The following TIAM2 variants were observed in gnomAD, a reference collection of about 807,000 sequenced individuals.
TIAM2 encodes rho guanine nucleotide exchange factor TIAM2.
TIAM2 carries 80 observed loss-of-function variants against 152.9 expected under a neutral mutation model. The ratio of observed to expected loss-of-function variants is 0.52; its 90% CI spans 0.44 to 0.63. The LOEUF is 0.63. TIAM2 is among the 30% of genes least tolerant of loss of function. The pLI is 0.00. For synonymous variants in TIAM2, 804 were observed against 838.0 expected, an observed-to-expected ratio of 0.96 and a Z score of 0.70; for missense variants, 1,965 against 2,120.1, an observed-to-expected ratio of 0.93 and a Z score of 1.44.
chr6:155,062,101 C>A (rs1223190408), intron 1 of TIAM2, among the ~76,000 whole-genome samples: 1 of 149,778 alleles, frequency 6.7e-6, no homozygotes, highest in Non-Finnish European at 1.5e-5. Context: ...CCACCGCCCC[C>A]GCGCACCACC....
intron 1 of TIAM2, among the ~76,000 whole-genome samples, chr6:155,057,474 T>A (rs1583171184): frequency 6.6e-6 from 1 of 152,112 alleles, no homozygotes; most frequent in East Asian, 1.9e-4. Context: ...TCTTGATCAT[T>A]TGATTTAAGG....
rs200714155 is a variant in TIAM2, at chr6:155,256,590, C to T, written c.4575C>T (p.Ser1525=). ...ACTCTGACGAGGGCAGCTTGAGCAG[C>T]GGCACCCAGAGCAGCGGCTGCCCCA... ...LLDSDEGSLS[S]GTQSSGCPTA... is the part of the protein sequence containing the mutation. The change falls in exon 27 of 27, where the codon AGC becomes AGT. Residue 1525 remains serine (S), a synonymous_variant. Transcript: ENST00000682666. 2.5e-5 allele frequency: 41 copies of T among 1,614,040 alleles called. No homozygotes were observed. Among genetic ancestry groups the T allele is most frequent in the African/African-American group, 1.3e-4 (10 of 75,034 alleles).
intron 26 of TIAM2, 60 bp downstream of exon 26, chr6:155,254,633 T>C: frequency 1.3e-6 from 2 of 1,578,710 alleles, no homozygotes; most frequent in Non-Finnish European, 1.7e-6. Context: ...CTGAAAAGGA[T>C]ATATGCTCTT....
intron 1 of TIAM2, among the ~76,000 whole-genome samples, chr6:155,046,404 C>T (rs6557394): frequency 0.026 from 3,683 of 140,112 alleles, 154 homozygotes; most frequent in African/African-American, 0.094. Flanking sequence ...GGCGTGATCT[C>T]GGCTCACTGC....
chr6:155,007,536 G>A (rs1195137289), intron 1 of TIAM2, among the ~76,000 whole-genome samples: 1 of 151,976 alleles, frequency 6.6e-6, no homozygotes, highest in Admixed American at 6.6e-5. Flanking sequence ...TAAAGAAGAG[G>A]TTTGTTGAAT....
intron 24 of TIAM2, 140 bp from the exon 25 acceptor site, chr6:155,253,833 G>A (rs1783830116): frequency 1.6e-6 from 1 of 632,294 alleles, no homozygotes; most frequent in Admixed American, 3.2e-5. Context: ...ATCATACATA[G>A]AACAAGCCAC....
intron 15 of TIAM2, among the ~76,000 whole-genome samples, chr6:155,221,519 T>TTGCTCTCATCC (rs1782045277): frequency 6.6e-6 from 1 of 152,196 alleles, no homozygotes; most frequent in African/African-American, 2.4e-5. Flanking sequence ...TGCCATGGTT[T>TTGCTCTCATCC]TGCTCTCATC....
chr6:155,209,483 C>G (rs967923695), intron 14 of TIAM2, among the ~76,000 whole-genome samples: 2 of 152,074 alleles, frequency 1.3e-5, no homozygotes, highest in African/African-American at 4.8e-5. Context: ...TCTTACTTCC[C>G]GTGCAGTTAG....
chr6:155,179,320 AT>A, intron 11 of TIAM2, 57 bp from the exon 12 acceptor site: 1 of 1,570,752 alleles, frequency 6.4e-7, no homozygotes, highest in Non-Finnish European at 8.8e-7. Flanking sequence ...TGTCAAAGTA[AT>A]TTTTTGAGGT....
chr6:155,252,386 T>C (rs939576467), intron 23 of TIAM2, among the ~76,000 whole-genome samples: 2 of 152,168 alleles, frequency 1.3e-5, no homozygotes, highest in African/African-American at 4.8e-5. Flanking sequence ...GGAGGATCAA[T>C]TGAGCCCAGG....
intron 1 of TIAM2, among the ~76,000 whole-genome samples, chr6:155,054,934 T>C (rs1777408965): frequency 6.6e-6 from 1 of 152,190 alleles, no homozygotes; most frequent in Non-Finnish European, 1.5e-5. Context: ...GGTTACTTTC[T>C]GTGGTCGACA....
At chr6:155,067,795 C>CCAT (rs1777735240) in intron 1 of TIAM2, among the ~76,000 whole-genome samples, 1 of 152,098 alleles carries the variant, frequency 6.6e-6, no homozygotes, top group Non-Finnish European at 1.5e-5. Flanking sequence ...GTATGCACCA[C>CCAT]CACGCCTGGC....
intron 1 of TIAM2, among the ~76,000 whole-genome samples, chr6:155,028,366 AAT>A (rs535356453): frequency 0.02 from 2,196 of 112,256 alleles, 358 homozygotes; most frequent in African/African-American, 0.083. Flanking sequence ...TACTACATAT[AAT>A]ATATATACTG....
intron 2 of TIAM2, among the ~76,000 whole-genome samples, chr6:155,098,312 G>C (rs1778465938): frequency 6.6e-6 from 1 of 152,112 alleles, no homozygotes; most frequent in South Asian, 2.1e-4. Context: ...CGTGAGCATG[G>C]AATATCTTTC....
chr6:155,075,950 C>T (rs1360138831), intron 1 of TIAM2, among the ~76,000 whole-genome samples: 2 of 152,148 alleles, frequency 1.3e-5, no homozygotes, highest in Non-Finnish European at 2.9e-5. Context: ...TAACGTGTAG[C>T]GAAGCAACAG....
chr6:155,104,040 A>ACACC (rs1562316893), intron 2 of TIAM2, among the ~76,000 whole-genome samples: 7,305 of 56,868 alleles, frequency 0.13, 1,243 homozygotes, highest in Non-Finnish European at 0.17. Flanking sequence ...ACACACACAC[A>ACACC]CCCCCCCCCC....
intron 4 of TIAM2, among the ~76,000 whole-genome samples, chr6:155,132,790 C>G (rs1443668946): frequency 6.6e-6 from 1 of 152,218 alleles, no homozygotes; most frequent in African/African-American, 2.4e-5. Context: ...GATTCTGCAT[C>G]TCTTATGTGC....
At chr6:155,188,709 A>G (rs1030766374) in intron 14 of TIAM2, among the ~76,000 whole-genome samples, 2 of 152,324 alleles carry the variant, frequency 1.3e-5, no homozygotes, top group Middle Eastern at 6.8e-3. Flanking sequence ...AGTGTTTGCC[A>G]TCTTTTGAAA....
At chr6:155,096,792 A>G (rs1308959811) in intron 2 of TIAM2, among the ~76,000 whole-genome samples, 9 of 152,190 alleles carry the variant, frequency 5.9e-5, no homozygotes, top group Admixed American at 2.0e-4. Context: ...GGCTTTTGTG[A>G]ATAGTGCAGT....
Sources: allele counts gnomAD v4.1 joint callset (sites outside exome capture counted in the v4.1 genomes callset), GRCh38; gene constraint gnomAD v4.1.1; transcripts MANE v1.5; gene names NCBI Gene and HGNC (gene_info 2026-07-23, HGNC 2026-07-21).